The following DOCK8 variants were observed in gnomAD, a reference collection of about 807,000 sequenced individuals.
The protein encoded by DOCK8 is dedicator of cytokinesis 8.
DOCK8 carries 141 observed loss-of-function variants against 245.6 expected under a neutral mutation model. That is an observed-to-expected ratio of 0.57 (90% CI 0.50 to 0.66). The LOEUF (loss-of-function observed/expected upper bound fraction) is 0.66. Ranked by LOEUF, DOCK8 falls within the 30% of genes least tolerant of loss-of-function variation. The pLI, the probability that DOCK8 is intolerant of heterozygous loss-of-function variation, is 0.00. For missense variants in DOCK8, 2,965 were observed against 2,603.4 expected (o/e 1.14, Z -3.02); for synonymous variants, 1,168 against 970.2 (o/e 1.20, Z -3.79).
At chr9:317,437 G>A (rs751074766) in intron 7 of DOCK8, among the ~76,000 whole-genome samples, 1 of 152,196 alleles carries the variant, frequency 6.6e-6, no homozygotes, top group Non-Finnish European at 1.5e-5. Flanking sequence ...GTGGTGTGCT[G>A]GAGTCGACTG....
intron 26 of DOCK8, among the ~76,000 whole-genome samples, chr9:401,442 A>C (rs903292855): frequency 6.6e-6 from 1 of 152,152 alleles, no homozygotes; most frequent in Admixed American, 6.5e-5. Flanking sequence ...AGGCTGCTCC[A>C]CAGCACAGTA....
At chr9:425,255 G>T (rs979143232) in intron 33 of DOCK8, among the ~76,000 whole-genome samples, 1 of 152,050 alleles carries the variant, frequency 6.6e-6, no homozygotes, top group Non-Finnish European at 1.5e-5. Context: ...ATAAGGGGCC[G>T]GGCACAGTGG....
intron 19 of DOCK8, among the ~76,000 whole-genome samples, chr9:376,618 C>G (rs1276380280): frequency 1.3e-5 from 2 of 152,118 alleles, no homozygotes; most frequent in African/African-American, 4.8e-5. Context: ...GCCACTTTGC[C>G]AGCTTTTAAA....
At chr9:356,963 G>A (rs1050824093) in intron 14 of DOCK8, among the ~76,000 whole-genome samples, 1 of 151,916 alleles carries the variant, frequency 6.6e-6, no homozygotes, top group African/African-American at 2.4e-5. Context: ...TCGAATGCTT[G>A]GATATTTGTG....
rs141980356 is a variant in DOCK8, at chr9:338,702, G to T, written c.1423-304G>T. Among the ~76,000 whole-genome samples, 401 of 152,248 alleles carry T rather than the reference G, an allele frequency of 2.6e-3. 2 individuals are homozygous for T. The highest frequency in any genetic ancestry group is 9.4e-3 in the African/African-American group (391 of 41,512). On this transcript the variant is annotated intron_variant, in intron 12 of 47. Coordinates refer to ENST00000432829, the MANE Select transcript of DOCK8 (RefSeq NM_203447.4). ...CGGGGGGTAATACTGGCATCAGAGGGTGAGAGTTATCGGGGGGAAGCTTTT... is the reference window on the plus strand; with the variant it reads ...CGGGGGGTAATACTGGCATCAGAGGTTGAGAGTTATCGGGGGGAAGCTTTT...
At chr9:217,488 C>T (rs1297929479) in intron 1 of DOCK8, among the ~76,000 whole-genome samples, 1 of 152,134 alleles carries the variant, frequency 6.6e-6, no homozygotes, top group Admixed American at 6.5e-5. Context: ...TCAAGAAGAG[C>T]CCCCTCAAGT....
At chr9:454,468 T>A (rs547410730) in intron 46 of DOCK8, 1 of 151,674 alleles carries the variant, frequency 6.6e-6, no homozygotes, top group African/African-American at 2.4e-5. Context: ...CCCCTGGGGG[T>A]CTTGGAACCT....
Position 325,811 on chromosome 9 carries a change from T to TC in DOCK8, c.894+74_894+75insC, listed in dbSNP as rs3831138. The TC allele has an allele frequency of 0.68, 940,723 of 1,377,270 alleles. 323,576 individuals are homozygous for TC. Among genetic ancestry groups the TC allele is most frequent in the South Asian group, 0.75 (64,474 of 86,222 alleles). The allele number at this position is 1,377,270 out of a possible 1,614,324, so 85.3% of individuals were successfully genotyped here. ...GATTCTTTGCATGTATGTTTTTAAA[T>TC]TTCTTTGCAGCAAGAACCTATCAGA... On this transcript the variant is annotated intron_variant, in intron 8 of 47. Transcript: ENST00000432829.
In DOCK8 at chr9:422,134, A is replaced by G. The variant is rs1236825111; in HGVS notation, c.4240A>G (p.Lys1414Glu). The change falls in exon 33 of 48, where the codon AAA becomes GAA. Residue 1414 changes from lysine to glutamate, a missense_variant and splice_region_variant. Coordinates refer to ENST00000432829, the MANE Select transcript of DOCK8 (RefSeq NM_203447.4). ...HWRQANEKLDKTKAELDQEAL... is the reference protein window; with the variant it reads ...HWRQANEKLDETKAELDQEAL... ...GCGGCAAGCTAATGAGAAGCTAGAT[A>G]AGTGAGTCACTCGGCAACTTTCTGC... The G allele has an allele frequency of 4.3e-6, 7 of 1,613,832 alleles. No individual in the cohort carries two copies. The highest frequency in any genetic ancestry group is 5.9e-6 in the Non-Finnish European group (7 of 1,179,884).
chr9:291,054 G>T (rs1335195305), intron 4 of DOCK8, among the ~76,000 whole-genome samples: 2 of 152,172 alleles, frequency 1.3e-5, no homozygotes, highest in Non-Finnish European at 1.5e-5. Context: ...ATGGTTTGCT[G>T]ATAATAAATA....
At chr9:442,036 A>G (rs371524473) in intron 42 of DOCK8, 27 bp downstream of exon 42, 2 of 1,613,106 alleles carry the variant, frequency 1.2e-6, no homozygotes, top group Non-Finnish European at 1.7e-6. Context: ...TGTGCGCCTG[A>G]CCTGGTACAC....
At chr9:432,019 C>G in intron 36 of DOCK8, 147 bp from the exon 37 acceptor site, 1 of 781,908 alleles carries the variant, frequency 1.3e-6, no homozygotes, top group Non-Finnish European at 2.1e-6. Flanking sequence ...AAGTGTAGCT[C>G]CCATTTCATT....
rs143822795 is a variant in DOCK8 at position 328,168 on chromosome 9, C to T, written c.1041C>T (p.Val347=). ...TYPSSDIYLV[V]KIEKVLQQGE... Reference sequence around the variant, plus strand: ...CGTCCTCAGACATCTACCTGGTAGTCAAGGTAATTCAGTACGATCTGATTT... The same window carrying T: ...CGTCCTCAGACATCTACCTGGTAGTTAAGGTAATTCAGTACGATCTGATTT... The change falls in exon 9 of 48, where the codon GTC becomes GTT. Residue 347 remains valine, a synonymous_variant. Transcript: ENST00000432829. The T allele has an allele frequency of 1.2e-5, 20 of 1,613,288 alleles. No individual in the cohort carries two copies. In the African/African-American group the frequency reaches 2.7e-4, roughly 22 times the overall value.
At chr9:435,707 G>A (rs1054430466) in intron 39 of DOCK8, among the ~76,000 whole-genome samples, 2 of 152,178 alleles carry the variant, frequency 1.3e-5, no homozygotes, top group Non-Finnish European at 2.9e-5. Flanking sequence ...CCCACATTTG[G>A]CAAAGGGAAA....
Position 443,449 on chromosome 9 carries a change from G to A in DOCK8, c.5513G>A (p.Gly1838Asp). ...TAGGCATTTTATGGTCAATGTTTTG[G>A]TGCAGAATTTGTGGAAGTGATTAAA... ...RLEAFYGQCF[G>D]AEFVEVIKDS... The change falls in exon 43 of 48, where the codon GGT (glycine) becomes GAT (aspartate). Residue 1838 changes from glycine (G) to aspartate (D), a missense_variant. Gly to Asp is a moderately conservative substitution (Grantham distance 94, BLOSUM62 -1). Around this residue, in one of 3 missense-constraint regions of DOCK8, gnomAD observed 2,825 missense variants for 2,453.5 expected, o/e 1.15. Transcript: ENST00000432829. 1 of 1,614,000 alleles carries A rather than the reference G, an allele frequency of 6.2e-7. No individual in the cohort carries two copies. Among genetic ancestry groups the A allele is most frequent in the Non-Finnish European group, 8.5e-7 (1 of 1,180,008 alleles).
At chr9:406,731 T>C (rs1240260724) in intron 27 of DOCK8, among the ~76,000 whole-genome samples, 199 bp from the exon 28 acceptor site, 1 of 152,148 alleles carries the variant, frequency 6.6e-6, no homozygotes, top group African/African-American at 2.4e-5. Flanking sequence ...CTGGGCAGTC[T>C]TCTCTCTGTG....
chr9:228,960 G>A (rs1166406893), intron 1 of DOCK8, among the ~76,000 whole-genome samples: 2 of 152,168 alleles, frequency 1.3e-5, no homozygotes, highest in East Asian at 3.8e-4. Flanking sequence ...TTGTTGTTCA[G>A]AAACCTAGCT....
At chr9:442,488 G>A (rs777510509) in intron 42 of DOCK8, among the ~76,000 whole-genome samples, 1 of 152,176 alleles carries the variant, frequency 6.6e-6, no homozygotes. Context: ...TCCTTCTGAT[G>A]TGGAGCTACT....
chr9:371,925 T>C (rs1283207231), intron 17 of DOCK8, among the ~76,000 whole-genome samples: 1 of 152,210 alleles, frequency 6.6e-6, no homozygotes, highest in Non-Finnish European at 1.5e-5. Flanking sequence ...AACATTGATG[T>C]TGTTCAGACA....
Sources: gnomAD v4.1 joint callset for allele counts (sites outside exome capture counted in the v4.1 genomes callset) on GRCh38, gnomAD v4.1.1 for gene constraint, gnomAD v4.1.1 regional missense constraint, MANE v1.5 for transcripts, NCBI Gene and HGNC (gene_info 2026-07-23, HGNC 2026-07-21) for gene names.